Variants in RALYL observed in about 807,000 individuals in gnomAD.
The protein encoded by RALYL is RALY RNA binding protein like.
RALYL carries 29 observed loss-of-function variants against 35.1 expected under a neutral mutation model. That is an observed-to-expected ratio of 0.83 (90% CI 0.61 to 1.13). The LOEUF (loss-of-function observed/expected upper bound fraction) is 1.13. Among genes scored for constraint, RALYL ranks in the 50% most tolerant of loss-of-function variants. The pLI is 0.00. For synonymous variants in RALYL, 120 were observed against 127.6 expected, an observed-to-expected ratio of 0.94 and a Z score of 0.40; for missense variants, 359 against 360.4, an observed-to-expected ratio of 1.00 and a Z score of 0.03.
chr8:84,875,547 C>G (rs80066784), intron 7 of RALYL, among the ~76,000 whole-genome samples: 2 of 128,856 alleles, frequency 1.6e-5, no homozygotes, highest in African/African-American at 6.7e-5. Flanking sequence ...AATAATAAGA[C>G]TTAGTCCTTT....
intron 1 of RALYL, among the ~76,000 whole-genome samples, chr8:84,372,752 C>T (rs1855983319): frequency 1.3e-5 from 2 of 151,834 alleles, no homozygotes; most frequent in African/African-American, 4.8e-5. Context: ...TATGGGATTG[C>T]TGAGTTAAAT....
intron 2 of RALYL, among the ~76,000 whole-genome samples, chr8:84,571,995 G>A (rs1160750789): frequency 1.3e-5 from 2 of 151,672 alleles, no homozygotes; most frequent in Admixed American, 6.6e-5. Flanking sequence ...TGAATTTGAT[G>A]TTTTTGAGAC....
chr8:84,666,605 C>T (rs1169938195), intron 2 of RALYL, among the ~76,000 whole-genome samples: 3 of 152,014 alleles, frequency 2.0e-5, no homozygotes, highest in African/African-American at 7.2e-5. Flanking sequence ...ATCAAAATGT[C>T]TGGTTATGGG....
At chr8:84,659,431 C>T (rs1331562952) in intron 2 of RALYL, among the ~76,000 whole-genome samples, 1 of 151,954 alleles carries the variant, frequency 6.6e-6, no homozygotes, top group Non-Finnish European at 1.5e-5. Flanking sequence ...TGAGGGCCAC[C>T]CCTGAAGAGT....
chr8:84,577,158 C>T (rs1320771), intron 2 of RALYL, among the ~76,000 whole-genome samples: 8,902 of 152,256 alleles, frequency 0.058, 368 homozygotes, highest in Non-Finnish European at 0.084. Context: ...CCAACAGTTG[C>T]GTTTGGCGTA....
At chr8:84,460,699 G>A (rs1188012786) in intron 1 of RALYL, among the ~76,000 whole-genome samples, 2 of 151,526 alleles carry the variant, frequency 1.3e-5, no homozygotes, top group Non-Finnish European at 3.0e-5. Context: ...AAGTTGGAGG[G>A]TCGGGGAACA....
chr8:84,610,608 C>A (rs1016004624), intron 2 of RALYL, among the ~76,000 whole-genome samples: 2 of 152,026 alleles, frequency 1.3e-5, no homozygotes, highest in Non-Finnish European at 2.9e-5. Flanking sequence ...TTATATACAG[C>A]CCACATTCAA....
intron 8 of RALYL, among the ~76,000 whole-genome samples, chr8:84,903,013 G>C (rs998002054): frequency 6.6e-6 from 1 of 152,100 alleles, no homozygotes; most frequent in Non-Finnish European, 1.5e-5. Flanking sequence ...GGGCCTAGGA[G>C]TTTGAGACCA....
intron 2 of RALYL, among the ~76,000 whole-genome samples, chr8:84,561,881 T>A (rs1382955323): frequency 1.3e-5 from 2 of 152,030 alleles, no homozygotes; most frequent in African/African-American, 4.8e-5. Context: ...AATTTTCCAA[T>A]TAAAATTTTT....
intron 1 of RALYL, among the ~76,000 whole-genome samples, chr8:84,232,155 A>G (rs1825525032): frequency 6.6e-6 from 1 of 152,190 alleles, no homozygotes. Flanking sequence ...TGGGTGACTT[A>G]CCAACCCAAA....
At chr8:84,740,973 G>A (rs956987788) in intron 2 of RALYL, among the ~76,000 whole-genome samples, 2 of 151,968 alleles carry the variant, frequency 1.3e-5, no homozygotes, top group African/African-American at 4.8e-5. Context: ...TCTGAGACCT[G>A]AAGAGTCTTG....
rs1222605089 is a variant in RALYL at position 84,921,444 on chromosome 8, A to T, written c.*533A>T. ...AAAAGTTATATTTCTGCCCTGTATA[A>T]GCACCCTTTTTATTAATAAAGAATG... is the stretch of plus-strand genomic sequence containing the variant. On this transcript the variant is annotated 3_prime_UTR_variant, in exon 9 of 9. Coordinates refer to ENST00000521268, the MANE Select transcript of RALYL (RefSeq NM_173848.7). 1 of 152,140 alleles carries T rather than the reference A, an allele frequency of 6.6e-6. No homozygotes were observed. Among genetic ancestry groups the T allele is most frequent in the African/African-American group, 2.4e-5 (1 of 41,446 alleles). The allele number at this position is 152,140 out of a possible 1,614,324, so 9.4% of individuals were successfully genotyped here.
At chr8:84,658,086 T>G (rs1456978478) in intron 2 of RALYL, among the ~76,000 whole-genome samples, 1 of 152,136 alleles carries the variant, frequency 6.6e-6, no homozygotes, top group Non-Finnish European at 1.5e-5. Flanking sequence ...GCTTCACCTT[T>G]TGACACCACA....
At chr8:84,412,371 A>T (rs2044194040) in intron 1 of RALYL, among the ~76,000 whole-genome samples, 1 of 151,916 alleles carries the variant, frequency 6.6e-6, no homozygotes, top group Non-Finnish European at 1.5e-5. Flanking sequence ...TCTGACTATG[A>T]TAAAAGCCAA....
At chr8:84,898,144 C>T (rs1355152430) in intron 8 of RALYL, among the ~76,000 whole-genome samples, 1 of 152,112 alleles carries the variant, frequency 6.6e-6, no homozygotes, top group Non-Finnish European at 1.5e-5. Context: ...AGAGGATGGC[C>T]CAGAACCAGC....
intron 2 of RALYL, among the ~76,000 whole-genome samples, chr8:84,550,099 C>G (rs1310934970): frequency 6.6e-6 from 1 of 151,772 alleles, no homozygotes; most frequent in Admixed American, 6.6e-5. Flanking sequence ...ACTCATTGTT[C>G]TTTTCCTTCA....
chr8:84,199,042 T>G (rs1563517771), intron 1 of RALYL, among the ~76,000 whole-genome samples: 3 of 152,150 alleles, frequency 2.0e-5, no homozygotes, highest in African/African-American at 7.2e-5. Context: ...GTGGTAGCTT[T>G]GTTTTTAGTT....
intron 1 of RALYL, among the ~76,000 whole-genome samples, chr8:84,312,707 C>T (rs1178836110): frequency 6.6e-6 from 1 of 152,248 alleles, no homozygotes; most frequent in Non-Finnish European, 1.5e-5. Context: ...TGGCCTTGGG[C>T]AGGTCTGCCC....
At chr8:84,301,578 C>T (rs1840797945) in intron 1 of RALYL, among the ~76,000 whole-genome samples, 1 of 151,974 alleles carries the variant, frequency 6.6e-6, no homozygotes, top group South Asian at 2.1e-4. Context: ...TCTTAATAAT[C>T]AATGGGAGAA....
Sources: allele counts gnomAD v4.1 joint callset (sites outside exome capture counted in the v4.1 genomes callset), GRCh38; gene constraint gnomAD v4.1.1; transcripts MANE v1.5; gene names NCBI Gene and HGNC (gene_info 2026-07-23, HGNC 2026-07-21).